The following LRP1B variants were observed in gnomAD, a reference collection of about 807,000 sequenced individuals.
The protein encoded by LRP1B is LDL receptor related protein 1B, also known as low-density lipoprotein receptor-related protein 1B.
In LRP1B, 217 loss-of-function variants were observed where a neutral mutation model predicts 556.6. The observed-to-expected ratio is 0.39, with a 90% CI of 0.35 to 0.44. The LOEUF (loss-of-function observed/expected upper bound fraction) is 0.44, where lower values mean the gene tolerates loss of function less well. Among genes scored for constraint, LRP1B ranks in the 20% least tolerant of loss-of-function variants. LRP1B has a pLI of 1.00. For missense variants in LRP1B, 5,053 were observed against 5,620.8 expected, an observed-to-expected ratio of 0.90 and a Z score of 3.23; for synonymous variants, 2,047 against 1,865.8, an observed-to-expected ratio of 1.10 and a Z score of -2.50.
intron 1 of LRP1B, among the ~76,000 whole-genome samples, chr2:142,076,450 G>C (rs949293267): frequency 1.3e-5 from 2 of 151,994 alleles, no homozygotes; most frequent in African/African-American, 4.8e-5. Context: ...AGGGTACTTT[G>C]AGGAAAAAGC....
chr2:141,278,989 T>C (rs562830402), intron 3 of LRP1B, among the ~76,000 whole-genome samples: 54 of 152,264 alleles, frequency 3.5e-4, no homozygotes, highest in Middle Eastern at 3.4e-3. Flanking sequence ...GACATACCTA[T>C]TTACCTATGC....
chr2:140,292,998 G>A (rs916662826), intron 84 of LRP1B, among the ~76,000 whole-genome samples: 2 of 152,080 alleles, frequency 1.3e-5, no homozygotes, highest in African/African-American at 2.4e-5. Flanking sequence ...TCTGTAAGTA[G>A]GGACATTACT....
chr2:141,085,266 AAAG>A (rs1158183918), intron 7 of LRP1B, among the ~76,000 whole-genome samples: 1 of 152,226 alleles, frequency 6.6e-6, no homozygotes, highest in Non-Finnish European at 1.5e-5. Context: ...TGTGTCTGCT[AAAG>A]AACAGAAGAG....
intron 6 of LRP1B, among the ~76,000 whole-genome samples, chr2:141,189,937 A>AAAGAAAGAAAGAAAAGAAAGAAAAGG (rs1553473166): frequency 3.3e-5 from 5 of 150,314 alleles, no homozygotes; most frequent in African/African-American, 1.2e-4. Flanking sequence ...CCTTTAGAAG[A>AAAGAAAGAAAGAAAAGAAAGAAAAGG]AAGAAAGAAA....
At chr2:141,869,786 A>C (rs78438986) in intron 1 of LRP1B, among the ~76,000 whole-genome samples, 3,283 of 152,220 alleles carry the variant, frequency 0.022, 94 homozygotes, top group South Asian at 0.063. Flanking sequence ...CCAGGGATAA[A>C]ATATGTGTTA....
At chr2:140,622,499 T>C (rs113789075) in intron 41 of LRP1B, among the ~76,000 whole-genome samples, 3 of 152,310 alleles carry the variant, frequency 2.0e-5, no homozygotes, top group African/African-American at 7.2e-5. Flanking sequence ...TATAATGTTA[T>C]GGTAATAGAT....
intron 2 of LRP1B, among the ~76,000 whole-genome samples, chr2:141,692,461 T>C (rs150417473): frequency 6.6e-6 from 1 of 152,148 alleles, no homozygotes; most frequent in Non-Finnish European, 1.5e-5. Flanking sequence ...AACCAATTCC[T>C]ACTCATCTTT....
chr2:140,481,333 A>C (rs1226752751), intron 59 of LRP1B, among the ~76,000 whole-genome samples: 1 of 152,148 alleles, frequency 6.6e-6, no homozygotes, highest in East Asian at 1.9e-4. Flanking sequence ...ATGATGTAAT[A>C]GGAAAAATCT....
chr2:141,286,465 T>C (rs1685725356), intron 3 of LRP1B, among the ~76,000 whole-genome samples: 1 of 152,340 alleles, frequency 6.6e-6, no homozygotes, highest in South Asian at 2.1e-4. Flanking sequence ...ATTAGGGTTA[T>C]ACTGGCCTCA....
rs759283974 is a variant in LRP1B at position 141,049,082 on chromosome 2, C to A, written c.1693G>T (p.Ala565Ser). 2 of 1,613,482 alleles carry A rather than the reference C, an allele frequency of 1.2e-6. No homozygotes were observed. Among genetic ancestry groups the A allele is most frequent in the Non-Finnish European group, 1.7e-6 (2 of 1,179,666 alleles). ...LVNPRALDFHAETNYIYFADT... is the reference protein window; with the variant it reads ...LVNPRALDFHSETNYIYFADT... The stretch of plus-strand genomic sequence containing the variant: ...GCAAAGTAGATGTAATTGGTTTCTG[C>A]GTGAAAGTCTAAAGCACGAGGGTTT... Residue 565 changes from alanine to serine, a missense_variant, in exon 11 of 91, where the codon GCA becomes TCA. Ala to Ser is a moderately conservative substitution (Grantham distance 99, BLOSUM62 1). Coordinates refer to ENST00000389484, the MANE Select transcript of LRP1B (RefSeq NM_018557.3).
chr2:140,949,496 T>C (rs1695640853), intron 20 of LRP1B, among the ~76,000 whole-genome samples: 1 of 152,206 alleles, frequency 6.6e-6, no homozygotes, highest in South Asian at 2.1e-4. Flanking sequence ...AGTCAGTCAG[T>C]TGGAAATACA....
chr2:140,506,737 C>G (rs1442553267), intron 53 of LRP1B, 59 bp downstream of exon 53: 1 of 1,550,270 alleles, frequency 6.5e-7, no homozygotes, highest in Middle Eastern at 1.7e-4. Context: ...TATTTACATA[C>G]TAGTTTTGAA....
At chr2:140,907,560 A>G (rs907857343) in intron 22 of LRP1B, among the ~76,000 whole-genome samples, 1 of 152,114 alleles carries the variant, frequency 6.6e-6, no homozygotes, top group African/African-American at 2.4e-5. Context: ...CCTTGTTCTG[A>G]GGGATCAACA....
chr2:141,951,077 T>A (rs1701091838), intron 1 of LRP1B, among the ~76,000 whole-genome samples: 1 of 152,104 alleles, frequency 6.6e-6, no homozygotes, highest in Non-Finnish European at 1.5e-5. Context: ...TCTGGAAATG[T>A]TTTTGTCCCA....
At chr2:141,152,713 A>G (rs921084250) in intron 7 of LRP1B, among the ~76,000 whole-genome samples, 1 of 151,944 alleles carries the variant, frequency 6.6e-6, no homozygotes, top group Non-Finnish European at 1.5e-5. Flanking sequence ...TAATACCAAT[A>G]GATATTACTA....
At chr2:140,340,590 C>T (rs923197352) in intron 77 of LRP1B, among the ~76,000 whole-genome samples, 15 of 150,920 alleles carry the variant, frequency 9.9e-5, no homozygotes, top group African/African-American at 2.2e-4. Flanking sequence ...GCATAACATT[C>T]GAGAAATAAT....
intron 43 of LRP1B, among the ~76,000 whole-genome samples, chr2:140,560,426 C>T (rs1209436006): frequency 6.6e-6 from 1 of 152,040 alleles, no homozygotes; most frequent in African/African-American, 2.4e-5. Flanking sequence ...AAAATGTTAA[C>T]ATTTGGGGAA....
intron 3 of LRP1B, among the ~76,000 whole-genome samples, chr2:141,436,534 G>A (rs1680772001): frequency 6.6e-6 from 1 of 151,450 alleles, no homozygotes; most frequent in South Asian, 2.1e-4. Flanking sequence ...ACCTTTCCGT[G>A]ACTGGGTTTT....
Position 141,432,794 on chromosome 2 carries a change from T to C in LRP1B, c.343+47602A>G, listed in dbSNP as rs567582339. Among the ~76,000 whole-genome samples the C allele has an allele frequency of 2.0e-5, 3 of 151,752 alleles. No homozygotes were observed. In the East Asian group the frequency reaches 5.8e-4, roughly 29 times the overall value. On this transcript the variant is annotated intron_variant, in intron 3 of 90. Coordinates refer to ENST00000389484, the MANE Select transcript of LRP1B (RefSeq NM_018557.3). The stretch of plus-strand genomic sequence containing the variant: ...GATTTTAGTAATTTGAGTATTTTGC[T>C]TTTTTTTCTTGGTCAAGTTAAACTT...
Sources: allele counts gnomAD v4.1 joint callset (sites outside exome capture counted in the v4.1 genomes callset), GRCh38; gene constraint gnomAD v4.1.1; transcripts MANE v1.5; gene names NCBI Gene and HGNC (gene_info 2026-07-23, HGNC 2026-07-21).